Variants in SGMS1 observed in about 807,000 individuals in gnomAD.
SGMS1 encodes sphingomyelin synthase 1.
Under a neutral mutation model 46.2 loss-of-function variants are expected in SGMS1, and 13 were observed. The observed-to-expected ratio is 0.28, with a 90% CI of 0.18 to 0.45. The LOEUF is 0.45. Ranked by LOEUF, SGMS1 falls within the 20% of genes least tolerant of loss-of-function variation. The pLI is 1.00. For missense variants in SGMS1, 324 were observed against 519.9 expected (o/e 0.62, Z 3.66); for synonymous variants, 203 against 187.8 (o/e 1.08, Z -0.66).
chr10:50,543,008 C>T (rs889352782), intron 2 of SGMS1, among the ~76,000 whole-genome samples: 1 of 152,110 alleles, frequency 6.6e-6, no homozygotes, highest in Non-Finnish European at 1.5e-5. Flanking sequence ...TATATGATAG[C>T]TCTTGGGACA....
At chr10:50,362,965 A>G (rs1374592733) in intron 6 of SGMS1, among the ~76,000 whole-genome samples, 1 of 152,160 alleles carries the variant, frequency 6.6e-6, no homozygotes, top group Non-Finnish European at 1.5e-5. Flanking sequence ...AAAGTATATA[A>G]ATATAAAGAC....
At chr10:50,552,249 ATGTT>A (rs760330669) in intron 2 of SGMS1, among the ~76,000 whole-genome samples, 58 of 152,330 alleles carry the variant, frequency 3.8e-4, no homozygotes, top group Middle Eastern at 3.4e-3. Context: ...AATTCCAAGC[ATGTT>A]TAAGATATTA....
At position 50,357,320 on chromosome 10, in the gene SGMS1, G is replaced by GA. The variant is rs200820111; in HGVS notation, c.-231-12976dup. On this transcript the variant is annotated intron_variant, in intron 6 of 10. Transcript: ENST00000361781. ...AAGTAAAAGCAATTATTCTGGTAAT[G>GA]AAAAAAAAAATTACTAACCAAAATT... Among the ~76,000 whole-genome samples, 20 of 148,436 alleles carry GA rather than the reference G, an allele frequency of 1.3e-4. No individual in the cohort carries two copies. The East Asian group carries it at 1.8e-3, about 13-fold the overall frequency.
intron 2 of SGMS1, among the ~76,000 whole-genome samples, chr10:50,564,018 C>T (rs926703091): frequency 5.3e-5 from 8 of 152,254 alleles, no homozygotes; most frequent in Non-Finnish European, 1.2e-4. Context: ...TCAGGCCAAA[C>T]GCCATAGCCT....
intron 3 of SGMS1, among the ~76,000 whole-genome samples, chr10:50,480,352 C>T (rs1837464701): frequency 6.6e-6 from 1 of 151,938 alleles, no homozygotes; most frequent in Non-Finnish European, 1.5e-5. Context: ...TAAATGCTTA[C>T]TTGGTTGCTT....
intron 6 of SGMS1, among the ~76,000 whole-genome samples, chr10:50,386,679 T>A: frequency 6.6e-6 from 1 of 152,134 alleles, no homozygotes; most frequent in East Asian, 1.9e-4. Flanking sequence ...TACTGAATTT[T>A]CAGAGGCCCA....
At chr10:50,354,022 A>G (rs1426490183) in intron 6 of SGMS1, among the ~76,000 whole-genome samples, 1 of 152,060 alleles carries the variant, frequency 6.6e-6, no homozygotes, top group East Asian at 1.9e-4. Flanking sequence ...TGCCCAAGGT[A>G]ATTTATAGAT....
chr10:50,538,944 C>A (rs939651723), intron 2 of SGMS1, among the ~76,000 whole-genome samples: 1 of 152,236 alleles, frequency 6.6e-6, no homozygotes, highest in African/African-American at 2.4e-5. Context: ...CCTACTTAAG[C>A]TGATTACATG....
intron 6 of SGMS1, among the ~76,000 whole-genome samples, chr10:50,420,069 C>T (rs1444791277): frequency 6.6e-6 from 1 of 152,168 alleles, no homozygotes; most frequent in East Asian, 1.9e-4. Context: ...CAGTTGGAAA[C>T]CAAACTATGG....
chr10:50,499,101 C>A (rs1837640077), intron 3 of SGMS1, among the ~76,000 whole-genome samples: 1 of 152,036 alleles, frequency 6.6e-6, no homozygotes, highest in African/African-American at 2.4e-5. Flanking sequence ...TATTAGAAAA[C>A]CTGATTTTCA....
intron 2 of SGMS1, among the ~76,000 whole-genome samples, chr10:50,524,263 C>T (rs531666474): frequency 1.3e-5 from 2 of 152,222 alleles, no homozygotes; most frequent in African/African-American, 2.4e-5. Flanking sequence ...TGCATGTGTC[C>T]AGCACCCTAA....
rs114032091 is a variant in SGMS1 at position 50,513,314 on chromosome 10, C to T, written c.-498+6517G>A. On this transcript the variant is annotated intron_variant, in intron 3 of 10. Coordinates refer to ENST00000361781, the MANE Select transcript of SGMS1 (RefSeq NM_147156.4). ...AACAGCGAAGTAGGTAGAAGTGCCC[C>T]TTTCAGCTCCAGTTTGGAAAGGTCA... 7.1e-3 allele frequency among the ~76,000 whole-genome samples: 1,082 copies of T among 152,294 alleles called. 11 individuals are homozygous for T. The highest frequency in any genetic ancestry group is 0.025 in the African/African-American group (1,022 of 41,562).
intron 1 of SGMS1, among the ~76,000 whole-genome samples, chr10:50,608,438 T>C (rs1449389575): frequency 2.0e-5 from 3 of 152,126 alleles, no homozygotes; most frequent in South Asian, 2.1e-4. Flanking sequence ...AAAAGGCTAG[T>C]GCAGAGCAGC....
At chr10:50,473,437 G>A (rs1309856205) in intron 3 of SGMS1, among the ~76,000 whole-genome samples, 3 of 152,082 alleles carry the variant, frequency 2.0e-5, no homozygotes, top group Non-Finnish European at 4.4e-5. Context: ...AAAATACTTT[G>A]AAGGAACATT....
chr10:50,339,446 A>G (rs1034092088), intron 7 of SGMS1, among the ~76,000 whole-genome samples: 33 of 152,282 alleles, frequency 2.2e-4, no homozygotes, highest in African/African-American at 6.7e-4. Context: ...CGATCATTCA[A>G]TCTAAAGTAC....
chr10:50,416,499 C>T (rs1386641503), intron 6 of SGMS1, among the ~76,000 whole-genome samples: 1 of 152,122 alleles, frequency 6.6e-6, no homozygotes, highest in Non-Finnish European at 1.5e-5. Context: ...ATTTAATTAT[C>T]TCTTTGGATT....
chr10:50,452,787 A>C (rs1212730967), intron 5 of SGMS1, among the ~76,000 whole-genome samples: 3 of 152,216 alleles, frequency 2.0e-5, no homozygotes, highest in African/African-American at 7.2e-5. Context: ...AATTAGAAAT[A>C]AACTTGCTAC....
At chr10:50,441,856 A>G (rs1470350832) in intron 5 of SGMS1, among the ~76,000 whole-genome samples, 1 of 151,346 alleles carries the variant, frequency 6.6e-6, no homozygotes, top group African/African-American at 2.5e-5. Flanking sequence ...CAAAGTCTGT[A>G]TTTTTATCCA....
In SGMS1 at chr10:50,381,278, A is replaced by G. The variant is rs544378856; in HGVS notation, c.-231-36933T>C. Among the ~76,000 whole-genome samples, 26 of 152,044 alleles carry G rather than the reference A, an allele frequency of 1.7e-4. 1 individual carries two copies. The highest frequency in any genetic ancestry group is 4.6e-4 in the Admixed American group (7 of 15,278). ...GAACAGTGTTCTAAAAGAAAAAAAA[A>G]AAGAAGAAGAAGAAAAAAAAAATCC... On this transcript the variant is annotated intron_variant, in intron 6 of 10. Transcript: ENST00000361781.
Sources: gnomAD v4.1 joint callset for allele counts (sites outside exome capture counted in the v4.1 genomes callset) on GRCh38, gnomAD v4.1.1 for gene constraint, MANE v1.5 for transcripts, NCBI Gene and HGNC (gene_info 2026-07-23, HGNC 2026-07-21) for gene names.